The following KIAA0586 variants were observed in gnomAD, a reference collection of about 807,000 sequenced individuals.
KIAA0586 encodes the protein KIAA0586.
In KIAA0586, 144 loss-of-function variants were observed where a neutral mutation model predicts 169.8. The ratio of observed to expected loss-of-function variants is 0.85; its 90% CI spans 0.74 to 0.97. The LOEUF is 0.97. KIAA0586 is among the 50% of genes least tolerant of loss of function. KIAA0586 has a pLI of 0.00. For synonymous variants in KIAA0586, 625 were observed against 612.4 expected (o/e 1.02, Z -0.30); for missense variants, 1,854 against 1,823.0 (o/e 1.02, Z -0.31).
intron 29 of KIAA0586, among the ~76,000 whole-genome samples, chr14:58,531,341 AT>A (rs1255125672): frequency 6.8e-6 from 1 of 146,200 alleles, no homozygotes; most frequent in African/African-American, 2.7e-5. Flanking sequence ...AAAAAAAAAA[AT>A]AAAATAAATA....
intron 27 of KIAA0586, among the ~76,000 whole-genome samples, chr14:58,503,819 A>G (rs2043747907): frequency 6.6e-6 from 1 of 152,108 alleles, no homozygotes; most frequent in Non-Finnish European, 1.5e-5. Context: ...GCAAAAAAAA[A>G]AAAAAAGCAA....
chr14:58,452,973 G>A lies in KIAA0586; in HGVS notation c.1130-377G>A, dbSNP rs1037856206. On this transcript the variant is annotated intron_variant, in intron 8 of 30. Coordinates refer to ENST00000652326, the MANE Select transcript of KIAA0586 (RefSeq NM_001329943.3). The stretch of plus-strand genomic sequence containing the variant: ...ACTCTTGTCGCCCAGGCTGGAGTGC[G>A]ATGGTGTGATTTTGGCTTGTTGCAA... Among the ~76,000 whole-genome samples the A allele has an allele frequency of 1.2e-4, 18 of 151,284 alleles. 1 individual carries two copies. The East Asian group carries it at 3.5e-3, about 29-fold the overall frequency.
the KIAA0586 span, among the ~76,000 whole-genome samples, chr14:58,559,702 A>G: frequency 2.6e-5 from 4 of 152,124 alleles, no homozygotes; most frequent in African/African-American, 9.7e-5. Flanking sequence ...ACTCAGTAAC[A>G]AGAGAGGAGC....
downstream of KIAA0586, among the ~76,000 whole-genome samples, chr14:58,554,847 C>T (rs1595574644): frequency 1.3e-5 from 2 of 152,160 alleles, no homozygotes; most frequent in East Asian, 3.9e-4. Context: ...AGATTTGGCC[C>T]ATGGGCTGTA....
intron 16 of KIAA0586, among the ~76,000 whole-genome samples, chr14:58,469,277 C>T (rs1193602997): frequency 2.6e-5 from 4 of 152,176 alleles, no homozygotes; most frequent in East Asian, 1.9e-4. Context: ...GGAATATTCC[C>T]GGCCCTGTGC....
chr14:58,448,635 A>G lies in KIAA0586; in HGVS notation c.961+142A>G, dbSNP rs3825623. On this transcript the variant is annotated intron_variant, in intron 7 of 30. Coordinates refer to ENST00000652326, the MANE Select transcript of KIAA0586 (RefSeq NM_001329943.3). ...TATAGGAGTTTTTGTTTTATAAAAC[A>G]ATTTTTTTAAATGTTCTTTTTTTAA... 22 of 352,842 alleles carry G rather than the reference A, an allele frequency of 6.2e-5. 1 individual carries two copies. The highest frequency in any genetic ancestry group is 1.2e-4 in the South Asian group (1 of 8,180). The allele number at this position is 352,842 out of a possible 1,614,324, so 21.9% of individuals were successfully genotyped here.
At chr14:58,469,768 G>A (rs1016773909) in intron 16 of KIAA0586, among the ~76,000 whole-genome samples, 5 of 152,104 alleles carry the variant, frequency 3.3e-5, no homozygotes, top group African/African-American at 1.2e-4. Flanking sequence ...TACAAAAGAG[G>A]AAGTACAGTT....
rs151268980 is a variant in KIAA0586, at chr14:58,447,954, A to G, written c.808-386A>G. 1.9e-4 allele frequency among the ~76,000 whole-genome samples: 29 copies of G among 152,348 alleles called. 2 individuals carry two copies. In the East Asian group the frequency reaches 5.6e-3, roughly 29 times the overall value. ...ACAAAATCCTACCATTTAGGATATA[A>G]AAGATGGGATGTTTTGGTTTAAAAT... On this transcript the variant is annotated intron_variant, in intron 6 of 30. Coordinates refer to ENST00000652326, the MANE Select transcript of KIAA0586 (RefSeq NM_001329943.3).
chr14:58,537,381 A>C (rs1325872842), intron 29 of KIAA0586, among the ~76,000 whole-genome samples: 1 of 152,200 alleles, frequency 6.6e-6, no homozygotes, highest in Non-Finnish European at 1.5e-5. Context: ...TACTCTGCTA[A>C]GATCCTTGAT....
chr14:58,462,819 G>A (rs1206630005), intron 14 of KIAA0586, among the ~76,000 whole-genome samples: 2 of 152,136 alleles, frequency 1.3e-5, no homozygotes, highest in East Asian at 1.9e-4. Flanking sequence ...GAGTCATGGC[G>A]AAGGGAAGCA....
In KIAA0586 at chr14:58,469,390, C is replaced by G. The variant is rs531806725; in HGVS notation, c.2443-1223C>G. On this transcript the variant is annotated intron_variant, in intron 16 of 30. Coordinates refer to ENST00000652326, the MANE Select transcript of KIAA0586 (RefSeq NM_001329943.3). ...TCCCAACATGAACCCAAGTGTGTTC[C>G]TCTCTTATAGCAGTCTTTGGGCATC... Among the ~76,000 whole-genome samples, 18 of 152,278 alleles carry G rather than the reference C, an allele frequency of 1.2e-4. 1 individual carries two copies. The highest frequency in any genetic ancestry group is 4.1e-4 in the African/African-American group (17 of 41,562).
intron 4 of KIAA0586, chr14:58,441,190 C>CT (rs71107949): frequency 1.0e-3 from 158 of 157,936 alleles, no homozygotes; most frequent in South Asian, 1.7e-3. Flanking sequence ...TCTTACAATT[C>CT]TTTTTTTTTT....
rs528200834 is a variant in KIAA0586 at position 58,501,049 on chromosome 14, C to T, written c.4168+2089C>T. On this transcript the variant is annotated intron_variant, in intron 27 of 30. Transcript: ENST00000652326. ...GATAAATTTGCAAATATGTAATTTA[C>T]AAATAAATGAGGATCTGCTATATTC... 6.6e-5 allele frequency among the ~76,000 whole-genome samples: 10 copies of T among 152,290 alleles called. No individual in the cohort carries two copies. The East Asian group carries it at 1.5e-3, about 23-fold the overall frequency.
chr14:58,555,085 CT>C (rs2047234926), downstream of KIAA0586, among the ~76,000 whole-genome samples: 1 of 137,460 alleles, frequency 7.3e-6, no homozygotes, highest in Non-Finnish European at 1.6e-5. Flanking sequence ...CTGTAGATTT[CT>C]TTTTCTTTCT....
intron 30 of KIAA0586, among the ~76,000 whole-genome samples, chr14:58,542,590 A>G (rs1397000590): frequency 1.3e-5 from 2 of 152,208 alleles, no homozygotes; most frequent in Non-Finnish European, 2.9e-5. Flanking sequence ...TTAAACTAGC[A>G]TAACTATTTA....
At chr14:58,443,645 G>A (rs1055721878) in intron 5 of KIAA0586, among the ~76,000 whole-genome samples, 2 of 152,016 alleles carry the variant, frequency 1.3e-5, no homozygotes, top group African/African-American at 2.4e-5. Flanking sequence ...GGATGGTCTC[G>A]ATCTCCTGAC....
chr14:58,510,244 C>T (rs1174052793), intron 28 of KIAA0586, among the ~76,000 whole-genome samples: 2 of 152,174 alleles, frequency 1.3e-5, no homozygotes, highest in Non-Finnish European at 2.9e-5. Context: ...TGGTGTGCAC[C>T]TGTAGTCCCA....
intron 21 of KIAA0586, 74 bp downstream of exon 21, chr14:58,482,786 A>G: frequency 4.0e-6 from 4 of 999,774 alleles, no homozygotes; most frequent in East Asian, 5.4e-5. Context: ...CCATAAGATC[A>G]TTGTTTGTGG....
intron 11 of KIAA0586, 75 bp downstream of exon 11, chr14:58,458,054 C>A (rs1225163640): frequency 2.2e-6 from 2 of 892,216 alleles, no homozygotes; most frequent in Non-Finnish European, 3.4e-6. Context: ...TTTCTAAGCA[C>A]TGTATTTTCC....
Sources: allele counts gnomAD v4.1 joint callset (sites outside exome capture counted in the v4.1 genomes callset), GRCh38; gene constraint gnomAD v4.1.1; transcripts MANE v1.5; gene names NCBI Gene and HGNC (gene_info 2026-07-23, HGNC 2026-07-21).